Variants in PSMB9 observed in about 807,000 individuals in gnomAD.
The protein encoded by PSMB9 is proteasome 20S subunit beta 9, also known as proteasome subunit beta type-9.
In PSMB9, 16 loss-of-function variants were observed where a neutral mutation model predicts 26.9. The ratio of observed to expected loss-of-function variants is 0.59; its 90% confidence interval spans 0.40 to 0.90. The LOEUF (loss-of-function observed/expected upper bound fraction) is 0.90. Ranked by LOEUF, PSMB9 falls within the 40% of genes least tolerant of loss-of-function variation. PSMB9 has a pLI of 0.00. For synonymous variants in PSMB9, 91 were observed against 112.0 expected (o/e 0.81, Z 1.18); for missense variants, 253 against 292.2 (o/e 0.87, Z 0.98).
rs769932172 is a variant in PSMB9 at position 32,856,159 on chromosome 6, T to C, written c.82T>C (p.Phe28Leu). ...GCAGACCACCATCATGGCAGTGGAG[T>C]TTGACGGGGGCGTTGTGATGGGTTC... ...HTGTTIMAVE[F>L]DGGVVMGSDS... Residue 28 changes from phenylalanine (F) to leucine (L), a missense_variant, in exon 2 of 6, where the codon TTT becomes CTT. Phe to Leu is a conservative substitution (Grantham distance 22, BLOSUM62 0). Coordinates refer to ENST00000374859, the MANE Select transcript of PSMB9 (RefSeq NM_002800.5). 5.6e-6 allele frequency: 9 copies of C among 1,612,834 alleles called. No homozygotes were observed. Among genetic ancestry groups the C allele is most frequent in the Non-Finnish European group, 5.1e-6 (6 of 1,179,978 alleles).
rs1350867181 is a variant in PSMB9 at position 32,854,974 on chromosome 6, C to T, written c.60+685C>T. Among the ~76,000 whole-genome samples the T allele has an allele frequency of 1.3e-5, 2 of 152,194 alleles. No individual in the cohort carries two copies. Among genetic ancestry groups the T allele is most frequent in the Non-Finnish European group, 2.9e-5 (2 of 68,030 alleles). ...CCCAAGACTGGCTGGCTGGCTTCTG[C>T]TCTGGACTACTGCCACCACTCGTGG... is the stretch of plus-strand genomic sequence containing the variant. On this transcript the variant is annotated intron_variant, in intron 1 of 5. Transcript: ENST00000374859. This position sits in a 1 kb window ranked among gnomAD's most constrained non-coding sequence, Gnocchi z 4.6.
At position 32,858,514 on chromosome 6, in the gene PSMB9, C is replaced by G; in HGVS notation, c.532+9C>G. ...GCGCTTCACCACAGACGGTAACCAG[C>G]CAAGTGGAAGGGTACCTGGGGAGGG... On this transcript the variant is annotated intron_variant, in intron 5 of 5. Transcript: ENST00000374859. The surrounding 1 kb of genome is among the most constrained non-coding windows in gnomAD (Gnocchi z 5.2). The G allele has an allele frequency of 2.5e-6, 4 of 1,612,830 alleles. No individual in the cohort carries two copies. The highest frequency in any genetic ancestry group is 3.4e-6 in the Non-Finnish European group (4 of 1,180,014).
rs367716043 is a variant in PSMB9 at position 32,858,836 on chromosome 6, G to A, written c.532+331G>A. ...GATTACTTGAGCCCAGGAGTTTGAG[G>A]CCAGCCTAGGCAAGATGGTGAAACC... is the stretch of plus-strand genomic sequence containing the variant. On this transcript the variant is annotated intron_variant, in intron 5 of 5. Transcript: ENST00000374859. The surrounding 1 kb of genome is among the most constrained non-coding windows in gnomAD (Gnocchi z 5.2). 5.5e-5 allele frequency: 23 copies of A among 414,764 alleles called. No individual in the cohort carries two copies. In the South Asian group the frequency reaches 6.0e-4, roughly 11 times the overall value. 25.7% of individuals were successfully genotyped at this position (414,764 alleles called of 1,614,324 possible).
At chr6:32,855,982 A>G in intron 1 of PSMB9, 156 bp from the exon 2 acceptor site, 2 of 623,004 alleles carry the variant, frequency 3.2e-6, no homozygotes, top group Non-Finnish European at 5.6e-6. Flanking sequence ...TGGAAAGATG[A>G]AGGGAAAAAA....
rs771071720 is a variant in PSMB9, at chr6:32,856,135, C to T, written c.61-3C>T. ...TGACATTCCATATTCTGTGTCTCTG[C>T]AGACCACCATCATGGCAGTGGAGTT... On this transcript the variant is annotated splice_polypyrimidine_tract_variant and splice_region_variant and intron_variant, in intron 1 of 5. Transcript: ENST00000374859. 2.5e-6 allele frequency: 4 copies of T among 1,612,508 alleles called. No individual in the cohort carries two copies. The highest frequency in any genetic ancestry group is 3.4e-6 in the Non-Finnish European group (4 of 1,179,510).
chr6:32,857,608 T>A (rs1213076472), intron 3 of PSMB9: 1 of 556,642 alleles, frequency 1.8e-6, no homozygotes, highest in East Asian at 3.0e-5. Context: ...CCACATTCTA[T>A]ATGTGAACAC....
At chr6:32,857,716 C>A in intron 3 of PSMB9, 1 of 536,720 alleles carries the variant, frequency 1.9e-6, no homozygotes, top group Non-Finnish European at 3.3e-6. Context: ...TACGAGAAAT[C>A]AAGGTCGTTG....
rs1242782724 is a variant in PSMB9, at chr6:32,856,216, G to A, written c.128+11G>A. 1.9e-6 allele frequency: 3 copies of A among 1,610,362 alleles called. No individual in the cohort carries two copies. The highest frequency in any genetic ancestry group is 2.7e-5 in the African/African-American group (2 of 74,820). ...CCGAGTGTCTGCAGGGTGAGTAAAA[G>A]TGAAGATGTATGCATTTGGAAAGAA... On this transcript the variant is annotated intron_variant, in intron 2 of 5. Coordinates refer to ENST00000374859, the MANE Select transcript of PSMB9 (RefSeq NM_002800.5).
In PSMB9 at chr6:32,859,440, G is replaced by A. The variant is rs373167013; in HGVS notation, c.568G>A (p.Gly190Arg). ...GGCCATGAGCCGGGATGGCTCAAGC[G>A]GGGGTGTCATCTACCTGGTCACTAT... is the stretch of plus-strand genomic sequence containing the variant. ...ALAMSRDGSSGGVIYLVTITA... is the reference protein window; with the variant it reads ...ALAMSRDGSSRGVIYLVTITA... Residue 190 changes from glycine to arginine, a missense_variant, in exon 6 of 6, where the codon GGG (glycine) becomes AGG (arginine). Physicochemically the swap from Gly to Arg is moderately radical, Grantham distance 125. Coordinates refer to ENST00000374859, the MANE Select transcript of PSMB9 (RefSeq NM_002800.5). The A allele has an allele frequency of 4.6e-5, 74 of 1,613,430 alleles. No homozygotes were observed. The highest frequency in any genetic ancestry group is 6.7e-5 in the East Asian group (3 of 44,846).
rs781084402 is a variant in PSMB9 at position 32,858,604 on chromosome 6, A to G, written c.532+99A>G. The G allele has an allele frequency of 2.0e-6, 3 of 1,503,254 alleles. No individual in the cohort carries two copies. Among genetic ancestry groups the G allele is most frequent in the Non-Finnish European group, 2.7e-6 (3 of 1,091,934 alleles). 93.1% of individuals were successfully genotyped at this position (1,503,254 alleles called of 1,614,324 possible). A position where few individuals can be genotyped will look rare whatever the true frequency, so the allele number is the denominator to read the frequency against. On this transcript the variant is annotated intron_variant, in intron 5 of 5. Coordinates refer to ENST00000374859, the MANE Select transcript of PSMB9 (RefSeq NM_002800.5). The surrounding 1 kb of genome is among the most constrained non-coding windows in gnomAD (Gnocchi z 5.2). The stretch of plus-strand genomic sequence containing the variant: ...AAGAGAAATACAGGGGTGGCCATTT[A>G]AGTTAATGCCGGGCCTGGTACACTT...
chr6:32,857,248 A>T lies in PSMB9; in HGVS notation c.129-15A>T. On this transcript the variant is annotated splice_polypyrimidine_tract_variant and intron_variant, in intron 2 of 5. Coordinates refer to ENST00000374859, the MANE Select transcript of PSMB9 (RefSeq NM_002800.5). ...CTGAGTTTTAACTTGGTGACTGTTG[A>T]CTCCCTCCTGACAGCGAGGCGGTGG... 6.4e-7 allele frequency: 1 copy of T among 1,554,984 alleles called. No individual in the cohort carries two copies.
At chr6:32,857,470 G>A in intron 3 of PSMB9, 76 bp downstream of exon 3, 2 of 1,467,004 alleles carry the variant, frequency 1.4e-6, no homozygotes, top group South Asian at 1.4e-5. Context: ...ACAGTGTGCT[G>A]TTCCAGGAGC....
rs1230404541 is a variant in PSMB9 at position 32,859,585 on chromosome 6, A to C, written c.*53A>C. ...TTGTAATAAACTCTCTAGGGCCAAA[A>C]CCTGGTATGGTCATTGGGAAATGAG... On this transcript the variant is annotated 3_prime_UTR_variant, in exon 6 of 6. Transcript: ENST00000374859. The C allele has an allele frequency of 6.4e-7, 1 of 1,570,622 alleles. No individual in the cohort carries two copies. Among genetic ancestry groups the C allele is most frequent in the Non-Finnish European group, 8.7e-7 (1 of 1,151,524 alleles).
Position 32,854,715 on chromosome 6 carries a change from A to G in PSMB9, c.60+426A>G, listed in dbSNP as rs1185667471. On this transcript the variant is annotated intron_variant, in intron 1 of 5. Coordinates refer to ENST00000374859, the MANE Select transcript of PSMB9 (RefSeq NM_002800.5). The surrounding 1 kb of genome is among the most constrained non-coding windows in gnomAD (Gnocchi z 4.6). ...AAGGAAATATAGGCACTTATTGAGA[A>G]GGACCAACTCATCACACAGACTTTT... Among the ~76,000 whole-genome samples, 2 of 152,208 alleles carry G rather than the reference A, an allele frequency of 1.3e-5. No individual in the cohort carries two copies. Among genetic ancestry groups the G allele is most frequent in the East Asian group, 3.9e-4 (2 of 5,192 alleles).
chr6:32,855,154 A>G (rs898930040), intron 1 of PSMB9, among the ~76,000 whole-genome samples: 4 of 152,224 alleles, frequency 2.6e-5, no homozygotes, highest in Admixed American at 1.3e-4. Flanking sequence ...AGAAAGACAC[A>G]GTGAAACCAC....
rs1045914062 is a variant in PSMB9 at position 32,856,966 on chromosome 6, C to T, written c.129-297C>T. 2.9e-5 allele frequency: 6 copies of T among 208,062 alleles called. No homozygotes were observed. The East Asian group carries it at 5.4e-4, about 19-fold the overall frequency. The allele number at this position is 208,062 out of a possible 1,614,324, so 12.9% of individuals were successfully genotyped here. ...CTATAATCTCAGCACTTTGGGATGC[C>T]GAGGTGGGCAGATATTTGAGGTCAG... On this transcript the variant is annotated intron_variant, in intron 2 of 5. Coordinates refer to ENST00000374859, the MANE Select transcript of PSMB9 (RefSeq NM_002800.5).
chr6:32,857,309 G>T lies in PSMB9; in HGVS notation c.175G>T (p.Glu59Ter), dbSNP rs915954326. 1 of 1,611,034 alleles carries T rather than the reference G, an allele frequency of 6.2e-7. No individual in the cohort carries two copies. Among genetic ancestry groups the T allele is most frequent in the African/African-American group, 1.3e-5 (1 of 74,850 alleles). ...RVFDKLSPLHERIYCALSGSA... is the reference protein window; with the variant it reads ...RVFDKLSPLH ...GTTTGACAAGCTGTCCCCGCTGCAC[G>T]AGCGCATCTACTGTGCACTCTCTGG... Residue 59 changes from glutamate to a stop codon, truncating the protein, a stop_gained, in exon 3 of 6, where the codon GAG (glutamate) becomes TAG (stop). Transcript: ENST00000374859. LOFTEE classifies it high-confidence loss of function.
intron 1 of PSMB9, 65 bp from the exon 2 acceptor site, chr6:32,856,073 C>T: frequency 6.9e-7 from 1 of 1,445,404 alleles, no homozygotes; most frequent in Non-Finnish European, 9.7e-7. Flanking sequence ...AATGTTTCTT[C>T]TTCTCTAACA....
Position 32,858,752 on chromosome 6 carries a change from G to A in PSMB9, c.532+247G>A. The stretch of plus-strand genomic sequence containing the variant: ...CACAGTCACTGTGAGAACCAGTGGT[G>A]TGCTAAGCACAGTGGCTCACACCTG... On this transcript the variant is annotated intron_variant, in intron 5 of 5. Transcript: ENST00000374859. This position sits in a 1 kb window ranked among gnomAD's most constrained non-coding sequence, Gnocchi z 5.2. 1.7e-6 allele frequency: 1 copy of A among 591,808 alleles called. No individual in the cohort carries two copies. The highest frequency in any genetic ancestry group is 3.0e-6 in the Non-Finnish European group (1 of 333,132). The allele number at this position is 591,808 out of a possible 1,614,324, so 36.7% of individuals were successfully genotyped here. A position where few individuals can be genotyped will look rare whatever the true frequency, so the allele number is the denominator to read the frequency against.
Sources: gnomAD v4.1 joint callset for allele counts (sites outside exome capture counted in the v4.1 genomes callset) on GRCh38, gnomAD v4.1.1 for gene constraint, Gnocchi (gnomAD v3.1) non-coding constraint, MANE v1.5 for transcripts, NCBI Gene and HGNC (gene_info 2026-07-23, HGNC 2026-07-21) for gene names.